GALNT13: variants seen among roughly 807,000 people sequenced by gnomAD.
GALNT13 encodes the protein polypeptide N-acetylgalactosaminyltransferase 13.
A neutral mutation model predicts 64.2 loss-of-function variants in GALNT13; 28 were observed. That is an observed-to-expected ratio of 0.44 (90% CI 0.32 to 0.60). The LOEUF (loss-of-function observed/expected upper bound fraction) is 0.60. Among genes scored for constraint, GALNT13 ranks in the 20% least tolerant of loss-of-function variants. The probability of loss-of-function intolerance (pLI) is 0.05; values close to 1 mark genes in which losing one functional copy is unlikely to be tolerated. For synonymous variants in GALNT13, 214 were observed against 224.6 expected, an observed-to-expected ratio of 0.95 and a Z score of 0.42; for missense variants, 577 against 669.8, an observed-to-expected ratio of 0.86 and a Z score of 1.53.
the GALNT13 span, among the ~76,000 whole-genome samples, chr2:153,528,911 T>TA: frequency 6.6e-6 from 1 of 151,962 alleles, no homozygotes; most frequent in Admixed American, 6.6e-5. Context: ...AATTACGGGA[T>TA]ACAGCAAAAG....
chr2:154,097,505 A>G (rs1043597172), intron 3 of GALNT13, among the ~76,000 whole-genome samples: 10 of 152,120 alleles, frequency 6.6e-5, no homozygotes, highest in African/African-American at 2.2e-4. Context: ...GATAATATAC[A>G]CTGTTTATTA....
the GALNT13 span, among the ~76,000 whole-genome samples, chr2:153,710,663 A>G: frequency 1.3e-5 from 2 of 152,024 alleles, no homozygotes; most frequent in Non-Finnish European, 2.9e-5. Context: ...TTTTTTCTCT[A>G]CTGAACGATC....
At chr2:153,383,885 A>G in the GALNT13 span, among the ~76,000 whole-genome samples, 1 of 152,044 alleles carries the variant, frequency 6.6e-6, no homozygotes, top group Admixed American at 6.6e-5. Context: ...TCATGGGGAA[A>G]GAGCTACAGG....
chr2:153,458,680 T>G, the GALNT13 span, among the ~76,000 whole-genome samples: 4 of 152,314 alleles, frequency 2.6e-5, no homozygotes, highest in South Asian at 8.3e-4. Flanking sequence ...ATTGTTGTAT[T>G]CCCTAAGCCT....
chr2:153,555,735 T>C, the GALNT13 span, among the ~76,000 whole-genome samples: 3 of 152,210 alleles, frequency 2.0e-5, no homozygotes, highest in African/African-American at 4.8e-5. Context: ...CCAGAGTCCA[T>C]GCTCTTAATT....
chr2:153,206,161 A>G, the GALNT13 span, among the ~76,000 whole-genome samples: 1 of 152,126 alleles, frequency 6.6e-6, no homozygotes, highest in Non-Finnish European at 1.5e-5. Flanking sequence ...ATAAGGAACT[A>G]AGAATTAGAA....
chr2:153,911,097 G>T (rs1436337133), intron 2 of GALNT13, among the ~76,000 whole-genome samples: 1 of 152,132 alleles, frequency 6.6e-6, no homozygotes, highest in Non-Finnish European at 1.5e-5. Context: ...TGTGAATCTG[G>T]ATGCTTCTCA....
intron 3 of GALNT13, among the ~76,000 whole-genome samples, chr2:154,018,149 T>C (rs1697131682): frequency 6.6e-6 from 1 of 152,236 alleles, no homozygotes; most frequent in African/African-American, 2.4e-5. Flanking sequence ...TTCAGAAATC[T>C]CAGTACATTC....
chr2:153,645,373 A>AT, the GALNT13 span, among the ~76,000 whole-genome samples: 6 of 152,060 alleles, frequency 3.9e-5, no homozygotes, highest in African/African-American at 2.4e-5. Flanking sequence ...AACATAGTTG[A>AT]TTTTTTTCTG....
chr2:153,096,094 A>C, the GALNT13 span, among the ~76,000 whole-genome samples: 2 of 152,064 alleles, frequency 1.3e-5, no homozygotes, highest in African/African-American at 4.8e-5. Context: ...CAAATTTTTC[A>C]GTTTTCTTCT....
At chr2:153,455,928 C>G in the GALNT13 span, among the ~76,000 whole-genome samples, 1 of 152,108 alleles carries the variant, frequency 6.6e-6, no homozygotes. Context: ...TGGCTCTTAG[C>G]AGGAAGGGGA....
rs913275086 is a variant in GALNT13, at chr2:154,027,500, T to C, written c.142+82861T>C. ...CTAATTAATGAAAATATGTTATAGA[T>C]GAGTCACACTTCAGACATTAATCCA... On this transcript the variant is annotated intron_variant, in intron 3 of 12. Transcript: ENST00000392825. Among the ~76,000 whole-genome samples, 8 of 152,272 alleles carry C rather than the reference T, an allele frequency of 5.3e-5. No homozygotes were observed. The South Asian group carries it at 6.2e-4, about 12-fold the overall frequency.
At chr2:153,867,479 T>C (rs1685787368), upstream of GALNT13, among the ~76,000 whole-genome samples, 1 of 152,110 alleles carries the variant, frequency 6.6e-6, no homozygotes, top group Admixed American at 6.6e-5. Context: ...TACTTATTTA[T>C]TTGGTTAGGA....
At chr2:153,587,522 G>C in the GALNT13 span, among the ~76,000 whole-genome samples, 3 of 152,260 alleles carry the variant, frequency 2.0e-5, no homozygotes, top group East Asian at 5.8e-4. Flanking sequence ...CAGGCAAAGA[G>C]AGAGAACTTG....
rs58455059 is a variant in GALNT13, at chr2:153,963,731, CTGTGTGTGTGTGTGTGTGTGTGTG to C, written c.142+19120_142+19143del. On this transcript the variant is annotated intron_variant, in intron 3 of 12. Coordinates refer to ENST00000392825, the MANE Select transcript of GALNT13 (RefSeq NM_052917.4). Reference sequence around the variant, plus strand: ...TCTCCGTCTCTCTCTCTCTCTCTCTCTGTGTGTGTGTGTGTGTGTGTGTGTGTGTGTGTGTGTGTGTGTGTGTGT... The same window carrying C: ...TCTCCGTCTCTCTCTCTCTCTCTCTCTGTGTGTGTGTGTGTGTGTGTGTGT... Among the ~76,000 whole-genome samples the C allele has an allele frequency of 5.0e-5, 5 of 100,852 alleles. No homozygotes were observed. In the East Asian group the frequency reaches 8.8e-4, roughly 18 times the overall value. 66.2% of individuals were successfully genotyped at this position (100,852 alleles called of 152,430 possible). A position where few individuals can be genotyped will look rare whatever the true frequency, so the allele number is the denominator to read the frequency against.
the GALNT13 span, among the ~76,000 whole-genome samples, chr2:153,416,310 G>A: frequency 2.6e-5 from 4 of 152,174 alleles, no homozygotes; most frequent in Non-Finnish European, 5.9e-5. Flanking sequence ...CACTGGAATG[G>A]TGCCAATGTA....
At chr2:153,456,991 G>A in the GALNT13 span, among the ~76,000 whole-genome samples, 1 of 152,194 alleles carries the variant, frequency 6.6e-6, no homozygotes, top group African/African-American at 2.4e-5. Flanking sequence ...TGCTGTCACA[G>A]TGCCTGATTT....
chr2:153,254,725 T>C, the GALNT13 span, among the ~76,000 whole-genome samples: 163 of 152,346 alleles, frequency 1.1e-3, 3 homozygotes, highest in East Asian at 0.029. Flanking sequence ...TTTCGTTATG[T>C]ACCCAGTAAT....
At chr2:154,303,142 A>C (rs1053174283) in intron 9 of GALNT13, among the ~76,000 whole-genome samples, 1 of 152,054 alleles carries the variant, frequency 6.6e-6, no homozygotes, top group African/African-American at 2.4e-5. Context: ...AGGGACACAC[A>C]CGAGGAGTTT....
Sources: allele counts gnomAD v4.1 joint callset (sites outside exome capture counted in the v4.1 genomes callset), GRCh38; gene constraint gnomAD v4.1.1; transcripts MANE v1.5; gene names NCBI Gene and HGNC (gene_info 2026-07-23, HGNC 2026-07-21).